The following TNS3 variants were observed in gnomAD, a reference collection of about 807,000 sequenced individuals.
The protein encoded by TNS3 is tensin-3.
A neutral mutation model predicts 140.9 loss-of-function variants in TNS3; 45 were observed. That is an observed-to-expected ratio of 0.32 (90% CI 0.25 to 0.41). The LOEUF (loss-of-function observed/expected upper bound fraction) is 0.41, where lower values mean the gene tolerates loss of function less well. Ranked by LOEUF, TNS3 falls within the 10% of genes least tolerant of loss-of-function variation. The pLI, the probability that TNS3 is intolerant of heterozygous loss-of-function variation, is 1.00. For synonymous variants in TNS3, 815 were observed against 788.4 expected, an observed-to-expected ratio of 1.03 and a Z score of -0.56; for missense variants, 1,716 against 1,906.7, an observed-to-expected ratio of 0.90 and a Z score of 1.86.
At chr7:47,573,534 A>T (rs1800606335) in intron 1 of TNS3, among the ~76,000 whole-genome samples, 1 of 152,152 alleles carries the variant, frequency 6.6e-6, no homozygotes, top group Admixed American at 6.5e-5. Context: ...CTACTCCAGA[A>T]CACAGCAGGT....
intron 16 of TNS3, among the ~76,000 whole-genome samples, chr7:47,379,753 T>C (rs1436364830): frequency 6.6e-6 from 1 of 151,972 alleles, no homozygotes; most frequent in Non-Finnish European, 1.5e-5. Flanking sequence ...CAAACCCAAA[T>C]CACCCTCTGA....
chr7:47,392,555 T>C (rs1021808878), intron 16 of TNS3, among the ~76,000 whole-genome samples: 3 of 152,176 alleles, frequency 2.0e-5, no homozygotes, highest in Non-Finnish European at 4.4e-5. Flanking sequence ...TAAAAGAGAA[T>C]GTTTCAGAGG....
At position 47,344,741 on chromosome 7, in the gene TNS3, G is replaced by A. The variant is rs1269562542; in HGVS notation, c.2650+14C>T. The A allele has an allele frequency of 8.1e-6, 13 of 1,609,134 alleles. No homozygotes were observed. The highest frequency in any genetic ancestry group is 1.1e-5 in the Non-Finnish European group (13 of 1,177,944). Reference sequence around the variant, plus strand: ...GAGTGCCGCGCGCCTGTGACCCGCGGGTAGATTTCTTACCACGTCCTCCTT... The same window carrying A: ...GAGTGCCGCGCGCCTGTGACCCGCGAGTAGATTTCTTACCACGTCCTCCTT... On this transcript the variant is annotated intron_variant, in intron 20 of 30. Transcript: ENST00000311160.
At chr7:47,531,894 G>T (rs1051541623) in intron 1 of TNS3, among the ~76,000 whole-genome samples, 1 of 152,174 alleles carries the variant, frequency 6.6e-6, no homozygotes, top group Non-Finnish European at 1.5e-5. Context: ...CTGCCCCCCG[G>T]GGTGCAGCTG....
chr7:47,505,305 A>G (rs1368702417), intron 3 of TNS3, among the ~76,000 whole-genome samples: 1 of 152,196 alleles, frequency 6.6e-6, no homozygotes, highest in Non-Finnish European at 1.5e-5. Flanking sequence ...CTGCTCCCAC[A>G]CCACTGAAGG....
rs1788255519 is a variant in TNS3, at chr7:47,330,169, G to A, written c.2650+14586C>T. Reference sequence around the variant, plus strand: ...CCCCGGGGACGACAGGACCTGGACTGTCCACATGTTGACTCTGCTACAGCC... The same window carrying A: ...CCCCGGGGACGACAGGACCTGGACTATCCACATGTTGACTCTGCTACAGCC... On this transcript the variant is annotated intron_variant, in intron 20 of 30. Transcript: ENST00000311160. 2.0e-5 allele frequency among the ~76,000 whole-genome samples: 3 copies of A among 152,126 alleles called. No homozygotes were observed. The South Asian group carries it at 6.2e-4, about 32-fold the overall frequency.
intron 2 of TNS3, among the ~76,000 whole-genome samples, chr7:47,508,989 G>A (rs779318349): frequency 2.6e-5 from 4 of 152,188 alleles, no homozygotes; most frequent in Admixed American, 1.3e-4. Flanking sequence ...CCCTGAGCCA[G>A]AACTGCCCAG....
intron 30 of TNS3, chr7:47,278,504 G>A: frequency 2.8e-6 from 1 of 363,348 alleles, no homozygotes; most frequent in Non-Finnish European, 4.9e-6. Flanking sequence ...CAAAGCTGAG[G>A]CTCAACTTCC....
chr7:47,422,052 C>T lies in TNS3; in HGVS notation c.473+2049G>A, dbSNP rs1015692177. 5.3e-5 allele frequency among the ~76,000 whole-genome samples: 8 copies of T among 152,296 alleles called. No individual in the cohort carries two copies. The East Asian group carries it at 9.7e-4, about 18-fold the overall frequency. ...TATTCCCATACAAGCTGTCCTCACACGTTCTTCTGGTCTCAAACTTTCCTC... is the reference window on the plus strand; with the variant it reads ...TATTCCCATACAAGCTGTCCTCACATGTTCTTCTGGTCTCAAACTTTCCTC... On this transcript the variant is annotated intron_variant, in intron 10 of 30. Transcript: ENST00000311160.
intron 4 of TNS3, among the ~76,000 whole-genome samples, chr7:47,446,812 C>T (rs1279301546): frequency 6.6e-6 from 1 of 150,888 alleles, no homozygotes; most frequent in Non-Finnish European, 1.5e-5. Flanking sequence ...CCCACCTCAT[C>T]CTCTCAAGTA....
At chr7:47,539,491 A>C in intron 1 of TNS3, 1 of 255,370 alleles carries the variant, frequency 3.9e-6, no homozygotes, top group South Asian at 5.1e-5. Flanking sequence ...CCTGCCCCCG[A>C]CTCTGACCTC....
chr7:47,570,521 G>A (rs1800528236), intron 1 of TNS3, among the ~76,000 whole-genome samples: 3 of 152,216 alleles, frequency 2.0e-5, no homozygotes, highest in African/African-American at 7.2e-5. Flanking sequence ...CAAGTTAAAG[G>A]AATAATTTAC....
At position 47,344,768 on chromosome 7, in the gene TNS3, G is replaced by C; in HGVS notation, c.2637C>G (p.His879Gln). Reference protein sequence around the residue: ...EPPLSSPASQHKGGREPRSCP... With the variant: ...EPPLSSPASQQKGGREPRSCP... ...TAGATTTCTTACCACGTCCTCCTTT[G>C]TGCTGACTGGCTGGGCTGCTCAGCG... Residue 879 changes from histidine to glutamine, a missense_variant, in exon 20 of 31, where the codon CAC becomes CAG. Transcript: ENST00000311160. 1.9e-6 allele frequency: 3 copies of C among 1,612,680 alleles called. No individual in the cohort carries two copies. The highest frequency in any genetic ancestry group is 2.5e-6 in the Non-Finnish European group (3 of 1,179,906).
intron 16 of TNS3, among the ~76,000 whole-genome samples, chr7:47,390,831 A>T (rs1166007716): frequency 6.6e-6 from 1 of 151,986 alleles, no homozygotes; most frequent in Non-Finnish European, 1.5e-5. Context: ...CCAGAGCCAC[A>T]TCCAAGTCCA....
chr7:47,325,627 G>A (rs1787986498), intron 20 of TNS3, among the ~76,000 whole-genome samples: 1 of 152,166 alleles, frequency 6.6e-6, no homozygotes, highest in Non-Finnish European at 1.5e-5. Context: ...GACTCTTACT[G>A]TAAACTCATT....
chr7:47,539,221 C>G, intron 1 of TNS3: 1 of 444,346 alleles, frequency 2.3e-6, no homozygotes, highest in Non-Finnish European at 4.5e-6. Context: ...CACAGGCCAG[C>G]CCACTGCCTA....
rs1785972001 is a variant in TNS3 at position 47,295,701 on chromosome 7, TC to T, written c.3676+1380del. Among the ~76,000 whole-genome samples the T allele has an allele frequency of 2.0e-5, 3 of 152,138 alleles. No homozygotes were observed. The South Asian group carries it at 6.2e-4, about 32-fold the overall frequency. ...AGCCCCGGGTCTTTCCCAGCCTCAC[TC>T]CCCACCCCTTCCACTCTCACACCAT... On this transcript the variant is annotated intron_variant, in intron 24 of 30. Transcript: ENST00000311160.
chr7:47,424,089 A>G lies in TNS3; in HGVS notation c.473+12T>C. The G allele has an allele frequency of 6.2e-7, 1 of 1,613,780 alleles. No homozygotes were observed. The highest frequency in any genetic ancestry group is 8.5e-7 in the Non-Finnish European group (1 of 1,179,754). ...TCACCTCTTCACTCTGGCTTTGGGG[A>G]TCTATACATACCGTTTTTGGGAAGG... On this transcript the variant is annotated intron_variant, in intron 10 of 30. Transcript: ENST00000311160.
At chr7:47,300,376 CCTT>C (rs1786324891) in intron 23 of TNS3, among the ~76,000 whole-genome samples, 1 of 152,192 alleles carries the variant, frequency 6.6e-6, no homozygotes, top group Admixed American at 6.5e-5. Flanking sequence ...TCCCAGCAAA[CCTT>C]CTACAATGTG....
Sources: allele counts gnomAD v4.1 joint callset (sites outside exome capture counted in the v4.1 genomes callset), GRCh38; gene constraint gnomAD v4.1.1; transcripts MANE v1.5; gene names NCBI Gene and HGNC (gene_info 2026-07-23, HGNC 2026-07-21).